Variants in NSMCE2 observed in about 807,000 individuals in gnomAD.
The protein encoded by NSMCE2 is E3 SUMO-protein ligase NSE2.
In NSMCE2, 24 loss-of-function variants were observed where a neutral mutation model predicts 23.8. The ratio of observed to expected loss-of-function variants is 1.01; its 90% CI spans 0.73 to 1.42. The LOEUF (loss-of-function observed/expected upper bound fraction) is 1.42. NSMCE2 is among the 40% of genes most tolerant of loss of function. The pLI is 0.00. For missense variants in NSMCE2, 284 were observed against 296.5 expected, an observed-to-expected ratio of 0.96 and a Z score of 0.31; for synonymous variants, 92 against 94.1, an observed-to-expected ratio of 0.98 and a Z score of 0.13.
At chr8:125,158,482 G>C (rs1821437714) in intron 4 of NSMCE2, among the ~76,000 whole-genome samples, 1 of 152,080 alleles carries the variant, frequency 6.6e-6, no homozygotes, top group Admixed American at 6.6e-5. Context: ...AAACGCATAT[G>C]GACCTTTGAA....
intron 5 of NSMCE2, among the ~76,000 whole-genome samples, chr8:125,192,498 A>T (rs1410075071): frequency 6.8e-6 from 1 of 146,270 alleles, no homozygotes; most frequent in Non-Finnish European, 1.5e-5. Flanking sequence ...TAAAGCAGCT[A>T]TAATTGAATA....
intron 3 of NSMCE2, among the ~76,000 whole-genome samples, chr8:125,138,987 G>A (rs995671637): frequency 5.9e-5 from 9 of 152,190 alleles, no homozygotes; most frequent in Non-Finnish European, 1.2e-4. Flanking sequence ...GTTATGTGGT[G>A]TAAATAAGTT....
chr8:125,315,799 T>G (rs80138136), intron 5 of NSMCE2, among the ~76,000 whole-genome samples: 7,659 of 59,098 alleles, frequency 0.13, 269 homozygotes, highest in Non-Finnish European at 0.26. Context: ...GTTGGTACCC[T>G]TTTTTTTCCC....
At chr8:125,267,207 C>T (rs899944033) in intron 5 of NSMCE2, among the ~76,000 whole-genome samples, 24 of 151,932 alleles carry the variant, frequency 1.6e-4, no homozygotes, top group African/African-American at 5.3e-4. Flanking sequence ...AGGGTTTCAC[C>T]GTGTTGGCCA....
intron 4 of NSMCE2, among the ~76,000 whole-genome samples, chr8:125,164,653 G>C (rs546493097): frequency 1.3e-5 from 2 of 152,216 alleles, no homozygotes; most frequent in African/African-American, 2.4e-5. Context: ...AACTTTTGAA[G>C]AGCCAGTATT....
intron 5 of NSMCE2, among the ~76,000 whole-genome samples, chr8:125,218,997 T>G (rs1824727175): frequency 1.3e-5 from 2 of 152,172 alleles, no homozygotes; most frequent in South Asian, 4.1e-4. Context: ...GCTAGGTACT[T>G]TAAGCATTTT....
chr8:125,142,814 C>T (rs1261454833), intron 3 of NSMCE2, among the ~76,000 whole-genome samples: 1 of 152,052 alleles, frequency 6.6e-6, no homozygotes, highest in Non-Finnish European at 1.5e-5. Context: ...GTTGGTCAGG[C>T]TGGTCTCGAA....
At chr8:125,330,177 C>CTTTTT (rs34345598) in intron 5 of NSMCE2, among the ~76,000 whole-genome samples, 8 of 119,122 alleles carry the variant, frequency 6.7e-5, no homozygotes, top group Non-Finnish European at 4.9e-5. Flanking sequence ...TTTCTTTTTT[C>CTTTTT]TTTCTTTTTT....
At chr8:125,256,022 G>C (rs1261314918) in intron 5 of NSMCE2, among the ~76,000 whole-genome samples, 1 of 152,196 alleles carries the variant, frequency 6.6e-6, no homozygotes, top group African/African-American at 2.4e-5. Context: ...GGTGGCTCAC[G>C]CCTGTAATCC....
intron 1 of NSMCE2, among the ~76,000 whole-genome samples, chr8:125,100,047 AAC>A (rs1245890189): frequency 6.6e-6 from 1 of 152,068 alleles, no homozygotes; most frequent in Non-Finnish European, 1.5e-5. Context: ...ATCTAGGAGC[AAC>A]AGTTTATTCA....
intron 5 of NSMCE2, among the ~76,000 whole-genome samples, chr8:125,206,860 G>A (rs1273858764): frequency 6.6e-6 from 1 of 150,798 alleles, no homozygotes; most frequent in African/African-American, 2.5e-5. Flanking sequence ...GATAGTTGGA[G>A]CTCTAGGAGT....
intron 4 of NSMCE2, among the ~76,000 whole-genome samples, chr8:125,173,165 G>C (rs1822305978): frequency 6.6e-6 from 1 of 152,190 alleles, no homozygotes; most frequent in African/African-American, 2.4e-5. Context: ...GTCATGAGGA[G>C]TTCAGAATTG....
chr8:125,301,861 G>A (rs1397924001), intron 5 of NSMCE2, among the ~76,000 whole-genome samples: 2 of 151,946 alleles, frequency 1.3e-5, no homozygotes, highest in Non-Finnish European at 1.5e-5. Context: ...ACAGGGTTTC[G>A]CCGTGTTGGC....
At chr8:125,110,024 T>C (rs1417999375) in intron 3 of NSMCE2, among the ~76,000 whole-genome samples, 1 of 152,168 alleles carries the variant, frequency 6.6e-6, no homozygotes, top group Non-Finnish European at 1.5e-5. Flanking sequence ...CTGGAATTAT[T>C]TTTAAATCAT....
At chr8:125,165,895 A>G (rs1821851002) in intron 4 of NSMCE2, among the ~76,000 whole-genome samples, 1 of 152,210 alleles carries the variant, frequency 6.6e-6, no homozygotes, top group South Asian at 2.1e-4. Context: ...AGGGAGCCAT[A>G]TTAATTATAG....
intron 5 of NSMCE2, among the ~76,000 whole-genome samples, chr8:125,298,993 C>T (rs1828444754): frequency 6.6e-6 from 1 of 152,292 alleles, no homozygotes; most frequent in South Asian, 2.1e-4. Flanking sequence ...AAACATTTTT[C>T]TGCATGCATA....
intron 3 of NSMCE2, among the ~76,000 whole-genome samples, chr8:125,110,643 C>G (rs1249636642): frequency 1.3e-5 from 2 of 151,922 alleles, no homozygotes; most frequent in African/African-American, 4.8e-5. Context: ...AGCAGTCTGA[C>G]TTCATAGTTT....
intron 3 of NSMCE2, among the ~76,000 whole-genome samples, chr8:125,146,342 G>A (rs1563678659): frequency 6.6e-6 from 1 of 152,200 alleles, no homozygotes; most frequent in Non-Finnish European, 1.5e-5. Flanking sequence ...TACCTTTGTG[G>A]CCTTGAGCAA....
intron 1 of NSMCE2, among the ~76,000 whole-genome samples, chr8:125,097,211 A>C (rs1817982679): frequency 6.6e-6 from 1 of 152,160 alleles, no homozygotes; most frequent in Admixed American, 6.5e-5. Flanking sequence ...ACACAACAAG[A>C]ACCCTTGTTT....
Sources: gnomAD v4.1 joint callset for allele counts (sites outside exome capture counted in the v4.1 genomes callset) on GRCh38, gnomAD v4.1.1 for gene constraint, MANE v1.5 for transcripts, NCBI Gene and HGNC (gene_info 2026-07-23, HGNC 2026-07-21) for gene names.